The following RGS7 variants were observed in gnomAD, a reference collection of about 807,000 sequenced individuals.
The protein encoded by RGS7 is regulator of G-protein signaling 7.
In RGS7, 27 loss-of-function variants were observed where a neutral mutation model predicts 81.1. That is an observed-to-expected ratio of 0.33 (90% CI 0.25 to 0.46). The LOEUF is 0.46. Among genes scored for constraint, RGS7 ranks in the 20% least tolerant of loss-of-function variants. The pLI is 1.00. For synonymous variants in RGS7, 208 were observed against 207.7 expected, an observed-to-expected ratio of 1.00 and a Z score of -0.01; for missense variants, 396 against 607.4, an observed-to-expected ratio of 0.65 and a Z score of 3.66.
chr1:241,016,387 ATG>A (rs2059231033), intron 3 of RGS7, among the ~76,000 whole-genome samples: 1 of 151,828 alleles, frequency 6.6e-6, no homozygotes, highest in Non-Finnish European at 1.5e-5. Flanking sequence ...GTGTGGCGGC[ATG>A]CACCTGTAGT....
chr1:241,023,049 A>G (rs12073009), intron 3 of RGS7, among the ~76,000 whole-genome samples: 1 of 56,380 alleles, frequency 1.8e-5, no homozygotes, highest in African/African-American at 7.6e-5. Flanking sequence ...ATGATTAAAT[A>G]GGTAAAATTG....
At chr1:241,054,171 T>C (rs1333125037) in intron 3 of RGS7, among the ~76,000 whole-genome samples, 2 of 152,132 alleles carry the variant, frequency 1.3e-5, no homozygotes, top group Admixed American at 6.5e-5. Flanking sequence ...AAAGAACATA[T>C]AACACTGAGA....
In RGS7 at chr1:241,276,964, C is replaced by T. The variant is rs551320852; in HGVS notation, c.78+78735G>A. On this transcript the variant is annotated intron_variant, in intron 2 of 18. Coordinates refer to ENST00000440928, the MANE Select transcript of RGS7 (RefSeq NM_001364886.1). ...TGGATTGATTGATTCAGGTATCCTT[C>T]GTACCTCTGCCCAGAGACAATGTCC... Among the ~76,000 whole-genome samples, 51 of 152,338 alleles carry T rather than the reference C, an allele frequency of 3.3e-4. 1 individual carries two copies. Among genetic ancestry groups the T allele is most frequent in the African/African-American group, 1.1e-3 (47 of 41,584 alleles).
intron 18 of RGS7, among the ~76,000 whole-genome samples, chr1:240,779,367 C>G (rs1001446037): frequency 1.3e-5 from 2 of 152,036 alleles, no homozygotes; most frequent in Non-Finnish European, 2.9e-5. Context: ...TTTGGCCAGC[C>G]TGGTCCCAAA....
chr1:240,881,150 C>T (rs1666292306), intron 6 of RGS7, among the ~76,000 whole-genome samples: 1 of 152,138 alleles, frequency 6.6e-6, no homozygotes, highest in Non-Finnish European at 1.5e-5. Context: ...ACAGCATTTT[C>T]ATGGAATATG....
chr1:241,131,704 T>C (rs533343131), intron 2 of RGS7, among the ~76,000 whole-genome samples: 1 of 152,188 alleles, frequency 6.6e-6, no homozygotes, highest in Non-Finnish European at 1.5e-5. Context: ...CCTCTTTCCT[T>C]TTTACTATTC....
At chr1:240,888,897 G>T (rs923592960) in intron 6 of RGS7, among the ~76,000 whole-genome samples, 1 of 152,136 alleles carries the variant, frequency 6.6e-6, no homozygotes, top group East Asian at 1.9e-4. Context: ...GGTGCAAAGG[G>T]CAGAGCTACT....
chr1:240,978,764 A>G (rs1324082213), intron 4 of RGS7, among the ~76,000 whole-genome samples: 3 of 152,210 alleles, frequency 2.0e-5, no homozygotes. Context: ...AATACCTACA[A>G]TTGCCAATCA....
chr1:241,200,294 T>C (rs1230289772), intron 2 of RGS7, among the ~76,000 whole-genome samples: 1 of 152,160 alleles, frequency 6.6e-6, no homozygotes, highest in African/African-American at 2.4e-5. Context: ...TTTCCCATGA[T>C]TTTTTTAAAA....
rs1663660611 is a variant in RGS7 at position 240,868,060 on chromosome 1, A to C, written c.609+527T>G. 6.6e-6 allele frequency among the ~76,000 whole-genome samples: 1 copy of C among 151,130 alleles called. No individual in the cohort carries two copies. ...AGAGAAAAGAAAGAAAGAAAGAAAG[A>C]AAAGAAGAGAAAAGAAAGAAAGAAA... On this transcript the variant is annotated intron_variant, in intron 9 of 18. Transcript: ENST00000440928. The surrounding 1 kb of genome is among the most constrained non-coding windows in gnomAD (Gnocchi z 5.1).
At chr1:241,221,181 A>G (rs1053537737) in intron 2 of RGS7, among the ~76,000 whole-genome samples, 6 of 146,294 alleles carry the variant, frequency 4.1e-5, no homozygotes, top group African/African-American at 1.5e-4. Context: ...GGGAAAAAAG[A>G]AAGAGAGAAA....
intron 4 of RGS7, among the ~76,000 whole-genome samples, chr1:240,953,298 C>G (rs1252100414): frequency 6.6e-6 from 1 of 151,764 alleles, no homozygotes; most frequent in East Asian, 1.9e-4. Flanking sequence ...GTAAATTATT[C>G]TAAAGCATAC....
At chr1:241,328,202 C>T (rs1231670540) in intron 2 of RGS7, among the ~76,000 whole-genome samples, 1 of 152,228 alleles carries the variant, frequency 6.6e-6, no homozygotes, top group Non-Finnish European at 1.5e-5. Flanking sequence ...TTCCTGTTCA[C>T]ATTTTTTTGA....
intron 3 of RGS7, among the ~76,000 whole-genome samples, chr1:241,095,707 T>A (rs2492987): frequency 1.3e-5 from 2 of 152,030 alleles, no homozygotes; most frequent in Non-Finnish European, 2.9e-5. Flanking sequence ...AAGTGAGAAA[T>A]GATAAACATT....
intron 2 of RGS7, among the ~76,000 whole-genome samples, chr1:241,235,624 TTCTC>T (rs927736013): frequency 1.5e-5 from 2 of 137,460 alleles, no homozygotes; most frequent in African/African-American, 2.7e-5. Flanking sequence ...CCTTTCCCTT[TTCTC>T]TCTTTTTTCT....
chr1:240,874,299 A>G lies in RGS7; in HGVS notation c.386-4180T>C, dbSNP rs911887356. Among the ~76,000 whole-genome samples, 4 of 152,186 alleles carry G rather than the reference A, an allele frequency of 2.6e-5. No homozygotes were observed. In the East Asian group the frequency reaches 7.7e-4, roughly 29 times the overall value. ...CAAGTAATGATCAAATAATCATGCA[A>G]ATTGTGGGTGAGAAGAAGTGTGAGT... On this transcript the variant is annotated intron_variant, in intron 6 of 18. Transcript: ENST00000440928.
At chr1:240,957,018 A>G (rs1451150471) in intron 4 of RGS7, among the ~76,000 whole-genome samples, 2 of 152,182 alleles carry the variant, frequency 1.3e-5, no homozygotes, top group African/African-American at 2.4e-5. Flanking sequence ...TGTCAACTTG[A>G]TTGGATTGAA....
intron 9 of RGS7, among the ~76,000 whole-genome samples, chr1:240,835,663 T>C (rs769170028): frequency 3.3e-5 from 5 of 152,196 alleles, no homozygotes; most frequent in African/African-American, 7.2e-5. Flanking sequence ...TTCTTCATAA[T>C]TGCCGAAACT....
At chr1:240,948,188 T>G (rs1403834710) in intron 4 of RGS7, among the ~76,000 whole-genome samples, 1 of 152,248 alleles carries the variant, frequency 6.6e-6, no homozygotes, top group East Asian at 1.9e-4. Context: ...ATTTTTTTAT[T>G]GATTATTATC....
Sources: allele counts gnomAD v4.1 joint callset (sites outside exome capture counted in the v4.1 genomes callset), GRCh38; gene constraint gnomAD v4.1.1; non-coding constraint Gnocchi (gnomAD v3.1); transcripts MANE v1.5; gene names NCBI Gene and HGNC (gene_info 2026-07-23, HGNC 2026-07-21).